Variants in HCN2 observed in about 807,000 individuals in gnomAD.
HCN2 encodes the protein hyperpolarization activated cyclic nucleotide gated potassium and sodium channel 2.
In HCN2, 20 loss-of-function variants were observed where a neutral mutation model predicts 52.3. The ratio of observed to expected loss-of-function variants is 0.38; its 90% confidence interval spans 0.27 to 0.56. The LOEUF is 0.56. Among genes scored for constraint, HCN2 ranks in the 20% least tolerant of loss-of-function variants. The pLI is 0.71. For missense variants in HCN2, 981 were observed against 1,207.7 expected (o/e 0.81, Z 2.78); for synonymous variants, 694 against 537.0 (o/e 1.29, Z -4.04).
intron 3 of HCN2, among the ~76,000 whole-genome samples, chr19:606,045 C>T (rs62132629): frequency 0.036 from 5,541 of 152,288 alleles, 145 homozygotes; most frequent in Middle Eastern, 0.092. Context: ...ATCTGCTTAG[C>T]GCGTTTTCCA....
At chr19:610,673 A>AG (rs1194564140) in intron 5 of HCN2, among the ~76,000 whole-genome samples, 1 of 152,132 alleles carries the variant, frequency 6.6e-6, no homozygotes, top group Non-Finnish European at 1.5e-5. Flanking sequence ...GAAGCAGGGC[A>AG]GGGGGTGGGG....
chr19:616,615 G>C lies in HCN2; in HGVS notation c.*141G>C. On this transcript the variant is annotated 3_prime_UTR_variant, in exon 8 of 8. Coordinates refer to ENST00000251287, the MANE Select transcript of HCN2 (RefSeq NM_001194.4). ...CGTAGGTAGCCGTAGTTGGACGGAC[G>C]GGCAGGGCCGGCGGGGCAGCCCCCT... is the stretch of plus-strand genomic sequence containing the variant. 1 of 419,952 alleles carries C rather than the reference G, an allele frequency of 2.4e-6. No individual in the cohort carries two copies. The highest frequency in any genetic ancestry group is 3.5e-6 in the Non-Finnish European group (1 of 283,826). 26.0% of individuals were successfully genotyped at this position (419,952 alleles called of 1,614,324 possible).
intron 7 of HCN2, among the ~76,000 whole-genome samples, chr19:615,489 G>A (rs915449130): frequency 1.3e-5 from 2 of 152,186 alleles, no homozygotes; most frequent in African/African-American, 4.8e-5. Flanking sequence ...ACTCCAGCCC[G>A]GGCGACAGAG....
chr19:611,104 C>G (rs200816590), intron 5 of HCN2, among the ~76,000 whole-genome samples: 1 of 149,394 alleles, frequency 6.7e-6, no homozygotes, highest in African/African-American at 2.6e-5. Flanking sequence ...TTCCTCGTGG[C>G]CTCGCCTTAA....
At chr19:612,427 T>TGTGTGTGTGTGTGTGAGAGAGA in intron 5 of HCN2, among the ~76,000 whole-genome samples, 5 of 142,254 alleles carry the variant, frequency 3.5e-5, no homozygotes, top group African/African-American at 1.1e-4. Flanking sequence ...TGTGTGTGTG[T>TGTGTGTGTGTGTGTGAGAGAGA]GAGAGAGAGA....
intron 5 of HCN2, among the ~76,000 whole-genome samples, 188 bp downstream of exon 5, chr19:610,593 C>T (rs1477418833): frequency 6.6e-6 from 1 of 152,176 alleles, no homozygotes; most frequent in East Asian, 1.9e-4. Flanking sequence ...AGGACCCCCG[C>T]CACCCCCGCC....
In HCN2 at chr19:612,018, G is replaced by A. The variant is rs866745786; in HGVS notation, c.1585-1230G>A. Among the ~76,000 whole-genome samples the A allele has an allele frequency of 7.9e-5, 12 of 152,186 alleles. No individual in the cohort carries two copies. The South Asian group carries it at 1.0e-3, about 13-fold the overall frequency. On this transcript the variant is annotated intron_variant, in intron 5 of 7. Transcript: ENST00000251287. Reference sequence around the variant, plus strand: ...AAATTAGCCGGGCGTGGTGGTGGGCGCCTGTAATCCCAGCTACTCTGGAGG... The same window carrying A: ...AAATTAGCCGGGCGTGGTGGTGGGCACCTGTAATCCCAGCTACTCTGGAGG...
intron 3 of HCN2, 34 bp downstream of exon 3, chr19:605,256 G>T (rs532939217): frequency 6.3e-7 from 1 of 1,599,594 alleles, no homozygotes. Context: ...AGGGGGAGAC[G>T]CAGGCTCCCA....
chr19:610,696 C>A (rs1436546743), intron 5 of HCN2, among the ~76,000 whole-genome samples: 2 of 152,208 alleles, frequency 1.3e-5, no homozygotes, highest in Non-Finnish European at 2.9e-5. Context: ...GGAGGAGCCG[C>A]AGAGGCCCCG....
At chr19:606,249 C>T (rs555060277) in intron 3 of HCN2, among the ~76,000 whole-genome samples, 9 of 152,170 alleles carry the variant, frequency 5.9e-5, no homozygotes, top group African/African-American at 1.7e-4. Context: ...TACAGGCGCC[C>T]GCCACCACAC....
intron 1 of HCN2, among the ~76,000 whole-genome samples, chr19:595,006 G>A (rs997861502): frequency 4.6e-5 from 7 of 151,900 alleles, no homozygotes; most frequent in Middle Eastern, 3.4e-3. Context: ...TTCGAGACCA[G>A]CCTGGGCAAC....
At position 592,322 on chromosome 19, in the gene HCN2, C is replaced by G. The variant is rs1474348329; in HGVS notation, c.632+1745C>G. 6.6e-6 allele frequency among the ~76,000 whole-genome samples: 1 copy of G among 152,242 alleles called. No homozygotes were observed. Among genetic ancestry groups the G allele is most frequent in the Non-Finnish European group, 1.5e-5 (1 of 68,034 alleles). Reference sequence around the variant, plus strand: ...CACACCAGCCACTCCCTCCCCTGGGCAGCTCCAGCGACCCCCTGGCTGCAG... The same window carrying G: ...CACACCAGCCACTCCCTCCCCTGGGGAGCTCCAGCGACCCCCTGGCTGCAG... On this transcript the variant is annotated intron_variant, in intron 1 of 7. Coordinates refer to ENST00000251287, the MANE Select transcript of HCN2 (RefSeq NM_001194.4). This position sits in a 1 kb window ranked among gnomAD's most constrained non-coding sequence, Gnocchi z 4.8.
rs970339628 is a variant in HCN2, at chr19:616,765, C to T, written c.*291C>T. ...TGCCTCAGTTCCCCCAGCTGTAAGA[C>T]AGGGACGGGGCGGCCCAGTGGCTGA... On this transcript the variant is annotated 3_prime_UTR_variant, in exon 8 of 8. Transcript: ENST00000251287. 9.9e-6 allele frequency: 2 copies of T among 201,172 alleles called. No individual in the cohort carries two copies. The highest frequency in any genetic ancestry group is 2.0e-5 in the Non-Finnish European group (2 of 100,606). The allele number at this position is 201,172 out of a possible 1,614,324, so 12.5% of individuals were successfully genotyped here.
intron 5 of HCN2, 29 bp downstream of exon 5, chr19:610,434 C>T (rs1178251690): frequency 1.9e-6 from 3 of 1,603,112 alleles, no homozygotes; most frequent in Admixed American, 3.3e-5. Context: ...GGGCGGGAGG[C>T]AGCCTCCGGT....
intron 4 of HCN2, among the ~76,000 whole-genome samples, chr19:608,387 C>A (rs1015968897): frequency 1.6e-5 from 2 of 127,960 alleles, no homozygotes; most frequent in Non-Finnish European, 3.6e-5. Flanking sequence ...GGGGCGGGCC[C>A]GGCCCCGGGG....
chr19:609,737 C>CA (rs931022800), intron 4 of HCN2, among the ~76,000 whole-genome samples: 1 of 152,052 alleles, frequency 6.6e-6, no homozygotes, highest in Non-Finnish European at 1.5e-5. Flanking sequence ...CTCATCTCCA[C>CA]AAAAAATAAA....
chr19:605,914 G>T (rs1983412996), intron 3 of HCN2, among the ~76,000 whole-genome samples: 1 of 152,178 alleles, frequency 6.6e-6, no homozygotes, highest in African/African-American at 2.4e-5. Context: ...CAGGACTGCA[G>T]CCCCGGCACT....
At position 613,259 on chromosome 19, in the gene HCN2, C is replaced by T. The variant is rs747288267; in HGVS notation, c.1596C>T (p.Asn532=). Residue 532 remains asparagine, a synonymous_variant, in exon 6 of 8, where the codon AAC becomes AAT. Coordinates refer to ENST00000251287, the MANE Select transcript of HCN2 (RefSeq NM_001194.4). ...CCTCCCCCCTGCAGGAGATCGTCAA[C>T]TTCAACTGCCGGAAGCTGGTGGCCT... is the stretch of plus-strand genomic sequence containing the variant. ...LNGPLREEIV[N]FNCRKLVASM... The T allele has an allele frequency of 5.0e-6, 8 of 1,611,890 alleles. No homozygotes were observed. The Admixed American group carries it at 1.2e-4, about 24-fold the overall frequency.
intron 4 of HCN2, among the ~76,000 whole-genome samples, chr19:610,047 C>CCTCG (rs760739654): frequency 6.6e-6 from 1 of 151,916 alleles, no homozygotes; most frequent in Admixed American, 6.6e-5. Flanking sequence ...TCTGACCCAG[C>CCTCG]CCTGACCCCC....
Sources: allele counts gnomAD v4.1 joint callset (sites outside exome capture counted in the v4.1 genomes callset), GRCh38; gene constraint gnomAD v4.1.1; non-coding constraint Gnocchi (gnomAD v3.1); transcripts MANE v1.5; gene names NCBI Gene and HGNC (gene_info 2026-07-23, HGNC 2026-07-21).